Variants in GMDS observed in about 807,000 individuals in gnomAD.
The protein encoded by GMDS is GDP-mannose 4,6-dehydratase.
Under a neutral mutation model 49.9 loss-of-function variants are expected in GMDS, and 20 were observed. The ratio of observed to expected loss-of-function variants is 0.40; its 90% CI spans 0.28 to 0.58. GMDS has a LOEUF of 0.58. Ranked by LOEUF, GMDS falls within the 20% of genes least tolerant of loss-of-function variation. GMDS has a pLI of 0.42. For missense variants in GMDS, 362 were observed against 481.4 expected (o/e 0.75, Z 2.32); for synonymous variants, 177 against 178.6 (o/e 0.99, Z 0.07).
At chr6:2,007,172 G>C (rs1288999947) in intron 4 of GMDS, among the ~76,000 whole-genome samples, 1 of 152,124 alleles carries the variant, frequency 6.6e-6, no homozygotes, top group Non-Finnish European at 1.5e-5. Flanking sequence ...ATACAGAAAA[G>C]TACCTCAGAT....
At chr6:2,202,900 C>T (rs1395770675) in intron 1 of GMDS, among the ~76,000 whole-genome samples, 2 of 152,158 alleles carry the variant, frequency 1.3e-5, no homozygotes, top group Non-Finnish European at 2.9e-5. Context: ...TGGCATCTTA[C>T]ACTTGACAGG....
chr6:2,155,005 A>AAAGAGGCTGATAACTCTTTCAC (rs1562103621), intron 1 of GMDS, among the ~76,000 whole-genome samples: 4 of 152,118 alleles, frequency 2.6e-5, no homozygotes, highest in Non-Finnish European at 5.9e-5. Context: ...TTCAACCTTT[A>AAAGAGGCTGATAACTCTTTCAC]AAGAGGCTGA....
In GMDS at chr6:1,679,174, T is replaced by C. The variant is rs563873115; in HGVS notation, c.987+47242A>G. The C allele has an allele frequency of 1.2e-4, 18 of 152,264 alleles. 1 individual carries two copies. Among genetic ancestry groups the C allele is most frequent in the Admixed American group, 6.5e-5 (1 of 15,302 alleles). The allele number at this position is 152,264 out of a possible 1,614,324, so 9.4% of individuals were successfully genotyped here. On this transcript the variant is annotated intron_variant, in intron 9 of 10. Coordinates refer to ENST00000380815, the MANE Select transcript of GMDS (RefSeq NM_001500.4). ...AGACAGATGGCGGTTATCAAATACTTTGGCACTCATACACAGGAGACAGTT... is the reference window on the plus strand; with the variant it reads ...AGACAGATGGCGGTTATCAAATACTCTGGCACTCATACACAGGAGACAGTT...
At chr6:1,655,102 A>G (rs7752052) in intron 9 of GMDS, among the ~76,000 whole-genome samples, 1 of 150,628 alleles carries the variant, frequency 6.6e-6, no homozygotes, top group Non-Finnish European at 1.5e-5. Flanking sequence ...TAACTTGAAA[A>G]ATAAAATAAC....
At chr6:2,170,203 C>CA (rs34632162) in intron 1 of GMDS, among the ~76,000 whole-genome samples, 16,678 of 121,214 alleles carry the variant, frequency 0.14, 3,098 homozygotes, top group African/African-American at 0.43. Flanking sequence ...AACTACATCT[C>CA]AAAAAAAAAA....
chr6:1,822,219 T>C (rs1770930985), intron 7 of GMDS, among the ~76,000 whole-genome samples: 1 of 152,202 alleles, frequency 6.6e-6, no homozygotes, highest in Non-Finnish European at 1.5e-5. Flanking sequence ...CATTTTCCCA[T>C]TTAAAAAATA....
rs186159701 is a variant in GMDS at position 1,871,516 on chromosome 6, T to G, written c.771+58587A>C. Among the ~76,000 whole-genome samples the G allele has an allele frequency of 2.6e-5, 4 of 152,330 alleles. No homozygotes were observed. In the East Asian group the frequency reaches 7.7e-4, roughly 29 times the overall value. ...AATGATGTTCCCTGACATGAGGAGT[T>G]GAAAGCAACCTTTGGTAAACTGGAA... On this transcript the variant is annotated intron_variant, in intron 7 of 10. Transcript: ENST00000380815.
chr6:1,779,196 C>T lies in GMDS; in HGVS notation c.772-36610G>A, dbSNP rs74592626. On this transcript the variant is annotated intron_variant, in intron 7 of 10. Transcript: ENST00000380815. ...CTGGAGGACTTTCTGTCCAAGGCTC[C>T]ACTTACTGGAAACTTCAGAGGAGGG... Among the ~76,000 whole-genome samples, 81 of 152,308 alleles carry T rather than the reference C, an allele frequency of 5.3e-4. No individual in the cohort carries two copies. The East Asian group carries it at 0.011, about 21-fold the overall frequency.
chr6:1,735,817 C>T (rs1766983964), intron 8 of GMDS, among the ~76,000 whole-genome samples: 1 of 152,184 alleles, frequency 6.6e-6, no homozygotes, highest in Non-Finnish European at 1.5e-5. Flanking sequence ...ACAATGTCTT[C>T]ATATTTGCAC....
chr6:1,841,353 A>C (rs1323001541), intron 7 of GMDS, among the ~76,000 whole-genome samples: 1 of 152,344 alleles, frequency 6.6e-6, no homozygotes, highest in East Asian at 1.9e-4. Context: ...AGCATATTTT[A>C]GTCCTTTGTA....
chr6:1,738,166 G>C (rs74699644), intron 8 of GMDS, among the ~76,000 whole-genome samples: 4,022 of 84,264 alleles, frequency 0.048, 176 homozygotes, highest in African/African-American at 0.17. Context: ...CACACACACA[G>C]ACACATACAC....
rs1168011168 is a variant in GMDS, at chr6:1,683,362, ATTTG to A, written c.987+43050_987+43053del. ...ATGGTCTCCATCTCCTGACCTCGTG[ATTTG>A]TCCGCCTCGGCCTCCCAAAGTGCTG... is the stretch of plus-strand genomic sequence containing the variant. On this transcript the variant is annotated intron_variant, in intron 9 of 10. Transcript: ENST00000380815. 2.2e-4 allele frequency among the ~76,000 whole-genome samples: 34 copies of A among 152,160 alleles called. 1 individual carries two copies. The East Asian group carries it at 4.3e-3, about 19-fold the overall frequency.
In GMDS at chr6:1,999,942, A is replaced by T. The variant is rs1217002913; in HGVS notation, c.346-38976T>A. On this transcript the variant is annotated intron_variant, in intron 4 of 10. Transcript: ENST00000380815. ...ATACATATTATATATTATTATATAT[A>T]ATATATAATATGTATATTATATATA... 7.6e-5 allele frequency among the ~76,000 whole-genome samples: 4 copies of T among 52,408 alleles called. No individual in the cohort carries two copies. In the South Asian group the frequency reaches 2.8e-3, roughly 37 times the overall value. 34.4% of individuals were successfully genotyped at this position (52,408 alleles called of 152,430 possible).
At chr6:2,236,979 T>C (rs1185843457) in intron 1 of GMDS, among the ~76,000 whole-genome samples, 1 of 152,200 alleles carries the variant, frequency 6.6e-6, no homozygotes, top group Non-Finnish European at 1.5e-5. Flanking sequence ...CACTCTTAAG[T>C]TTAAAAGAAC....
At position 1,624,000 on chromosome 6, in the gene GMDS, A is replaced by G. The variant is rs1762765828; in HGVS notation, c.*169T>C. 5.0e-6 allele frequency: 3 copies of G among 597,926 alleles called. No homozygotes were observed. 37.0% of individuals were successfully genotyped at this position (597,926 alleles called of 1,614,324 possible). A position where few individuals can be genotyped will look rare whatever the true frequency, so the allele number is the denominator to read the frequency against. On this transcript the variant is annotated 3_prime_UTR_variant, in exon 11 of 11. Transcript: ENST00000380815. Reference sequence around the variant, plus strand: ...CCTGGAGGGTCACATCCCGGCTGCTACAAACCTCGGCGGGGCGGCCCCGCT... The same window carrying G: ...CCTGGAGGGTCACATCCCGGCTGCTGCAAACCTCGGCGGGGCGGCCCCGCT...
At chr6:1,783,216 G>A (rs1211403653) in intron 7 of GMDS, among the ~76,000 whole-genome samples, 1 of 152,132 alleles carries the variant, frequency 6.6e-6, no homozygotes, top group Non-Finnish European at 1.5e-5. Flanking sequence ...GGGAGTAACT[G>A]GGGAGCTGAA....
intron 7 of GMDS, among the ~76,000 whole-genome samples, chr6:1,776,102 T>A (rs1768822965): frequency 6.6e-6 from 1 of 152,116 alleles, no homozygotes; most frequent in Non-Finnish European, 1.5e-5. Context: ...AGTGCCTGCA[T>A]CAACCTCCAA....
chr6:1,986,115 T>C (rs963877737), intron 4 of GMDS, among the ~76,000 whole-genome samples: 1 of 152,228 alleles, frequency 6.6e-6, no homozygotes, highest in Non-Finnish European at 1.5e-5. Flanking sequence ...TAACATTGCT[T>C]TCCTTGAAGA....
chr6:2,172,020 A>C (rs765339458), intron 1 of GMDS, among the ~76,000 whole-genome samples: 1 of 152,176 alleles, frequency 6.6e-6, no homozygotes, highest in Non-Finnish European at 1.5e-5. Context: ...TACCTTCCAA[A>C]CACTACGGAA....
Sources: allele counts gnomAD v4.1 joint callset (sites outside exome capture counted in the v4.1 genomes callset), GRCh38; gene constraint gnomAD v4.1.1; transcripts MANE v1.5; gene names NCBI Gene and HGNC (gene_info 2026-07-23, HGNC 2026-07-21).